AATK: variants seen among roughly 807,000 people sequenced by gnomAD.
The protein encoded by AATK is lemur tail kinase 1, also known as serine/threonine-protein kinase LMTK1.
Under a neutral mutation model 114.3 loss-of-function variants are expected in AATK, and 91 were observed. The observed-to-expected ratio is 0.80, with a 90% CI of 0.67 to 0.95. The LOEUF (loss-of-function observed/expected upper bound fraction) is 0.95. Ranked by LOEUF, AATK falls within the 40% of genes least tolerant of loss-of-function variation. The probability of loss-of-function intolerance (pLI) is 0.00; values close to 1 mark genes in which losing one functional copy is unlikely to be tolerated. For synonymous variants in AATK, 1,075 were observed against 916.5 expected (o/e 1.17, Z -3.12); for missense variants, 2,176 against 1,965.2 (o/e 1.11, Z -2.03).
intron 1 of AATK, among the ~76,000 whole-genome samples, chr17:81,138,683 C>CCA (rs1257219968): frequency 6.7e-6 from 1 of 148,794 alleles, no homozygotes. Context: ...GCACACCCAC[C>CCA]CACACACACC....
chr17:81,165,611 A>C, intron 1 of AATK: 13 of 1,407,320 alleles, frequency 9.2e-6, no homozygotes, highest in South Asian at 1.2e-5. Flanking sequence ...CCACACCCCC[A>C]AGGGCCCTTA....
At chr17:81,154,757 G>A (rs1429365188) in intron 1 of AATK, among the ~76,000 whole-genome samples, 5 of 143,112 alleles carry the variant, frequency 3.5e-5, no homozygotes. Flanking sequence ...AGCCTCCCAA[G>A]TAGCTGGGAT....
chr17:81,138,045 C>T (rs886800486), intron 1 of AATK, among the ~76,000 whole-genome samples: 12 of 151,454 alleles, frequency 7.9e-5, no homozygotes, highest in Admixed American at 3.3e-4. Context: ...CACCCACGTG[C>T]ACACAGACCC....
Position 81,122,367 on chromosome 17 carries a change from G to A in AATK, c.1569C>T (p.Ser523=). 6 of 1,501,534 alleles carry A rather than the reference G, an allele frequency of 4.0e-6. No individual in the cohort carries two copies. The highest frequency in any genetic ancestry group is 4.4e-6 in the Non-Finnish European group (5 of 1,129,708). The allele number at this position is 1,501,534 out of a possible 1,614,324, so 93.0% of individuals were successfully genotyped here. Residue 523 remains serine, a synonymous_variant, in exon 11 of 14, where the codon AGC becomes AGT. Transcript: ENST00000326724. ...TGAAGTACTCGCTGCCCAGCGACGG[G>A]CTGTGCGCGCTGAGCACCGGAACCA... is the stretch of plus-strand genomic sequence containing the variant. ...PGVVPVLSAH[S]PSLGSEYFIR... is the part of the protein sequence containing the mutation.
intron 1 of AATK, among the ~76,000 whole-genome samples, chr17:81,134,861 C>T (rs1018376774): frequency 2.0e-5 from 3 of 152,238 alleles, no homozygotes; most frequent in African/African-American, 7.2e-5. Context: ...CCCACCTTGC[C>T]CCTCTGGGGC....
intron 1 of AATK, 106 bp from the exon 2 acceptor site, chr17:81,134,607 TG>T: frequency 2.1e-6 from 3 of 1,425,658 alleles, no homozygotes; most frequent in Non-Finnish European, 2.8e-6. Flanking sequence ...CATTCCAGGC[TG>T]GGCCTCAGCA....
chr17:81,153,837 G>A (rs1459457850), intron 1 of AATK, among the ~76,000 whole-genome samples: 1 of 152,158 alleles, frequency 6.6e-6, no homozygotes, highest in Non-Finnish European at 1.5e-5. Flanking sequence ...TTGGGAGGCT[G>A]AGGCAGGTGG....
At chr17:81,138,683 CCACA>C (rs1257219968) in intron 1 of AATK, among the ~76,000 whole-genome samples, 13 of 148,794 alleles carry the variant, frequency 8.7e-5, no homozygotes, top group Admixed American at 4.7e-4. Flanking sequence ...GCACACCCAC[CCACA>C]CACACCCAAG....
At position 81,122,038 on chromosome 17, in the gene AATK, G is replaced by T; in HGVS notation, c.1898C>A (p.Ala633Asp). 1 of 1,598,842 alleles carries T rather than the reference G, an allele frequency of 6.3e-7. No homozygotes were observed. Among genetic ancestry groups the T allele is most frequent in the Non-Finnish European group, 8.5e-7 (1 of 1,178,928 alleles). Residue 633 changes from alanine (A) to aspartate (D), a missense_variant, in exon 11 of 14, where the codon GCC becomes GAC. Physicochemically the swap from Ala to Asp is moderately radical, Grantham distance 126. Coordinates refer to ENST00000326724, the MANE Select transcript of AATK (RefSeq NM_001080395.3). ...GTCCTCGAAGAAGGCAGGACAGAAG[G>T]CGGCCACGCCCCAGTCTGCATCCTC... ...GAEDADWGVA[A>D]FCPAFFEDPL...
chr17:81,147,360 C>CAAAAAAAAAA, intron 1 of AATK, among the ~76,000 whole-genome samples: 1 of 54,926 alleles, frequency 1.8e-5, no homozygotes, highest in Non-Finnish European at 3.9e-5. Context: ...GACTCCATCT[C>CAAAAAAAAAA]AAAAAAAAAA....
Position 81,126,332 on chromosome 17 carries a change from G to T in AATK, c.755+95C>A. 7.0e-7 allele frequency: 1 copy of T among 1,429,648 alleles called. No homozygotes were observed. The highest frequency in any genetic ancestry group is 9.3e-7 in the Non-Finnish European group (1 of 1,073,660). The allele number at this position is 1,429,648 out of a possible 1,614,324, so 88.6% of individuals were successfully genotyped here. On this transcript the variant is annotated intron_variant, in intron 7 of 13. Coordinates refer to ENST00000326724, the MANE Select transcript of AATK (RefSeq NM_001080395.3). This position sits in a 1 kb window ranked among gnomAD's most constrained non-coding sequence, Gnocchi z 5.1. ...CATGAGATGAACCTGGCCGGTCCTC[G>T]CAAGCCCCCTGAGGCAGGACCCGCC...
chr17:81,147,123 G>A (rs2061232024), intron 1 of AATK, among the ~76,000 whole-genome samples: 1 of 151,574 alleles, frequency 6.6e-6, no homozygotes, highest in Non-Finnish European at 1.5e-5. Context: ...AGCACTCTGG[G>A]AGGCCGAGGC....
rs182436165 is a variant in AATK at position 81,129,412 on chromosome 17, G to C, written c.335-863C>G. On this transcript the variant is annotated intron_variant, in intron 3 of 13. Transcript: ENST00000326724. ...GCAAGTGTGGGGGTCCTGACCATGG[G>C]TGCTGAGACAGTTCAGAGGCCCTGG... Among the ~76,000 whole-genome samples the C allele has an allele frequency of 1.8e-3, 276 of 152,290 alleles. 3 individuals carry two copies. Among genetic ancestry groups the C allele is most frequent in the Non-Finnish European group, 2.6e-3 (176 of 67,998 alleles).
At position 81,139,017 on chromosome 17, in the gene AATK, C is replaced by A. The variant is rs537988470; in HGVS notation, c.56-4516G>T. ...CACACGCATGCACGCACCCCACACA[C>A]CCACACGTGTGCACACCCACAGGCA... is the stretch of plus-strand genomic sequence containing the variant. On this transcript the variant is annotated intron_variant, in intron 1 of 13. Coordinates refer to ENST00000326724, the MANE Select transcript of AATK (RefSeq NM_001080395.3). 2.0e-5 allele frequency among the ~76,000 whole-genome samples: 3 copies of A among 152,168 alleles called. No homozygotes were observed. In the East Asian group the frequency reaches 5.8e-4, roughly 29 times the overall value.
chr17:81,123,122 G>A (rs1191816175), intron 10 of AATK, 72 bp downstream of exon 10: 13 of 1,365,714 alleles, frequency 9.5e-6, no homozygotes, highest in Non-Finnish European at 1.2e-5. Flanking sequence ...GTCAGGGTGA[G>A]CCGCCTCTGC....
In AATK at chr17:81,126,574, G is replaced by A. The variant is rs768731529; in HGVS notation, c.622-14C>T. On this transcript the variant is annotated splice_polypyrimidine_tract_variant and intron_variant, in intron 6 of 13. Coordinates refer to ENST00000326724, the MANE Select transcript of AATK (RefSeq NM_001080395.3). The surrounding 1 kb of genome is among the most constrained non-coding windows in gnomAD (Gnocchi z 5.1). ...CTTGAGGTCCCCCTGCAGAAAGGGG[G>A]TGTGGCGCAGTCACCAGCAGGCTGG... The A allele has an allele frequency of 2.0e-6, 3 of 1,531,882 alleles. No individual in the cohort carries two copies. Among genetic ancestry groups the A allele is most frequent in the South Asian group, 1.2e-5 (1 of 83,520 alleles). 94.9% of individuals were successfully genotyped at this position (1,531,882 alleles called of 1,614,324 possible).
intron 9 of AATK, 31 bp from the exon 10 acceptor site, chr17:81,123,374 G>C (rs2060726790): frequency 7.5e-7 from 1 of 1,337,624 alleles, no homozygotes; most frequent in Non-Finnish European, 9.6e-7. Flanking sequence ...GCCAGGGCTG[G>C]GCACAGCCTG....
chr17:81,136,382 C>T (rs2061009783), intron 1 of AATK: 1 of 152,476 alleles, frequency 6.6e-6, no homozygotes, highest in African/African-American at 2.4e-5. Flanking sequence ...CGACCTCAGC[C>T]TCCCCCTCAA....
chr17:81,150,110 G>A (rs1328026990), intron 1 of AATK, among the ~76,000 whole-genome samples: 2 of 151,874 alleles, frequency 1.3e-5, no homozygotes, highest in Non-Finnish European at 2.9e-5. Flanking sequence ...TGAGGGGAGG[G>A]GGATGGGGAG....
Sources: allele counts gnomAD v4.1 joint callset (sites outside exome capture counted in the v4.1 genomes callset), GRCh38; gene constraint gnomAD v4.1.1; non-coding constraint Gnocchi (gnomAD v3.1); transcripts MANE v1.5; gene names NCBI Gene and HGNC (gene_info 2026-07-23, HGNC 2026-07-21).